Variants in MLLT6 observed in about 807,000 individuals in gnomAD.
MLLT6 encodes the protein protein AF-17.
A neutral mutation model predicts 103.0 loss-of-function variants in MLLT6; 22 were observed. The ratio of observed to expected loss-of-function variants is 0.21; its 90% confidence interval spans 0.15 to 0.31. MLLT6 has a LOEUF of 0.31. Among genes scored for constraint, MLLT6 ranks in the 10% least tolerant of loss-of-function variants. MLLT6 has a pLI of 1.00. For missense variants in MLLT6, 1,199 were observed against 1,441.7 expected (o/e 0.83, Z 2.73); for synonymous variants, 606 against 623.5 (o/e 0.97, Z 0.42).
rs1422564734 is a variant in MLLT6, at chr17:38,709,619, G to A, written c.552+44G>A. The A allele has an allele frequency of 2.7e-6, 4 of 1,504,870 alleles. No individual in the cohort carries two copies. The highest frequency in any genetic ancestry group is 1.7e-4 in the Middle Eastern group (1 of 5,844). The allele number at this position is 1,504,870 out of a possible 1,614,324, so 93.2% of individuals were successfully genotyped here. On this transcript the variant is annotated intron_variant, in intron 6 of 19. Transcript: ENST00000621332. The surrounding 1 kb of genome is among the most constrained non-coding windows in gnomAD (Gnocchi z 4.3). ...CGCATGAGCGGGTCAGTCAGCTGTG[G>A]TAAGATGGTTAGAGGGCATGGGCTC...
intron 19 of MLLT6, chr17:38,725,266 T>TA (rs1411261781): frequency 1.9e-6 from 1 of 527,870 alleles, no homozygotes; most frequent in Non-Finnish European, 3.3e-6. Flanking sequence ...TCCGACCAAT[T>TA]AGAAAAAGAT....
intron 12 of MLLT6, 44 bp from the exon 13 acceptor site, chr17:38,719,473 G>C: frequency 6.5e-7 from 1 of 1,538,924 alleles, no homozygotes; most frequent in Non-Finnish European, 8.9e-7. Flanking sequence ...CCCTGAGGCA[G>C]CTACCACTCC....
intron 4 of MLLT6, 36 bp downstream of exon 4, chr17:38,707,908 C>T: frequency 1.5e-6 from 2 of 1,314,428 alleles, no homozygotes; most frequent in Non-Finnish European, 1.1e-6. Flanking sequence ...TACCAGTTCC[C>T]TCCCATCTAT....
In MLLT6 at chr17:38,705,731, C is replaced by A; in HGVS notation, c.99C>A (p.Ala33=). Residue 33 remains alanine (A), a synonymous_variant, in exon 1 of 20, where the codon GCC becomes GCA. Coordinates refer to ENST00000621332, the MANE Select transcript of MLLT6 (RefSeq NM_005937.4). ...GCGATGGGCACGCGTGCAGCGTGGCCGTCCACCAAGGTACGGGGGTGGCCC... is the reference window on the plus strand; with the variant it reads ...GCGATGGGCACGCGTGCAGCGTGGCAGTCCACCAAGGTACGGGGGTGGCCC... ...VYCDGHACSV[A]VHQACYGIVQ... The A allele has an allele frequency of 4.7e-6, 7 of 1,497,852 alleles. No individual in the cohort carries two copies. The highest frequency in any genetic ancestry group is 4.5e-6 in the Non-Finnish European group (5 of 1,115,478). 92.8% of individuals were successfully genotyped at this position (1,497,852 alleles called of 1,614,324 possible).
Position 38,712,673 on chromosome 17 carries a change from T to G in MLLT6, c.721-18T>G. On this transcript the variant is annotated intron_variant, in intron 7 of 19. Coordinates refer to ENST00000621332, the MANE Select transcript of MLLT6 (RefSeq NM_005937.4). ...GACAGCCCCCCAGCACAATATCTAGTCACCTCTCCCTCTCCAGAGTCGAAA... is the reference window on the plus strand; with the variant it reads ...GACAGCCCCCCAGCACAATATCTAGGCACCTCTCCCTCTCCAGAGTCGAAA... 6.4e-7 allele frequency: 1 copy of G among 1,570,434 alleles called. No homozygotes were observed. The highest frequency in any genetic ancestry group is 8.8e-7 in the Non-Finnish European group (1 of 1,140,554).
At chr17:38,720,305 GC>G in intron 14 of MLLT6, 66 bp from the exon 15 acceptor site, 2 of 219,500 alleles carry the variant, frequency 9.1e-6, no homozygotes, top group Non-Finnish European at 8.5e-6. Context: ...TCCAGGCCCC[GC>G]CCCCGGTCCC....
In MLLT6 at chr17:38,716,713, A is replaced by G. The variant is rs1905362842; in HGVS notation, c.1383A>G (p.Thr461=). 2 of 1,611,222 alleles carry G rather than the reference A, an allele frequency of 1.2e-6. No homozygotes were observed. The highest frequency in any genetic ancestry group is 1.3e-5 in the African/African-American group (1 of 75,038). ...TGCCTGCTGATGAGACCCCTGAGAC[A>G]GGCCTGAAGGAGAAGAAGCACAAAG... The part of the protein sequence containing the change: ...TPVPADETPE[T]GLKEKKHKAS... The change falls in exon 10 of 20, where the codon ACA becomes ACG. Residue 461 remains threonine (T), a synonymous_variant. Transcript: ENST00000621332. The surrounding 1 kb of genome is among the most constrained non-coding windows in gnomAD (Gnocchi z 5.6).
Position 38,705,383 on chromosome 17 carries a change from TG to T in MLLT6, c.-242del, listed in dbSNP as rs561223711. On this transcript the variant is annotated 5_prime_UTR_variant, in exon 1 of 20. Transcript: ENST00000621332. ...GCCCGGCGTGCGAGTCTCATTGTTG[TG>T]GGGGGGGCCCGTCGGGGCATGAGGG... Among the ~76,000 whole-genome samples the T allele has an allele frequency of 8.2e-6, 1 of 121,724 alleles. No homozygotes were observed. The highest frequency in any genetic ancestry group is 1.8e-5 in the Non-Finnish European group (1 of 56,720). 79.9% of individuals were successfully genotyped at this position (121,724 alleles called of 152,430 possible). A position where few individuals can be genotyped will look rare whatever the true frequency, so the allele number is the denominator to read the frequency against.
intron 16 of MLLT6, 101 bp downstream of exon 16, chr17:38,720,848 C>CTT (rs1223345206): frequency 9.9e-7 from 1 of 1,005,588 alleles, no homozygotes; most frequent in Non-Finnish European, 1.5e-6. Flanking sequence ...AATGAAGTGA[C>CTT]TGACTGAGCA....
intron 6 of MLLT6, 90 bp from the exon 7 acceptor site, chr17:38,711,757 C>G (rs1464867972): frequency 7.0e-7 from 1 of 1,424,856 alleles, no homozygotes; most frequent in Non-Finnish European, 9.3e-7. Flanking sequence ...ATGGGGCTGA[C>G]CCCCAGGATC....
intron 1 of MLLT6, chr17:38,706,657 G>A (rs1390287474): frequency 6.3e-6 from 2 of 317,354 alleles, no homozygotes; most frequent in Non-Finnish European, 5.7e-6. Context: ...TGGCTGGTCC[G>A]AGGAAGAAGC....
chr17:38,707,899 A>G, intron 4 of MLLT6, 27 bp downstream of exon 4: 2 of 1,394,440 alleles, frequency 1.4e-6, no homozygotes, highest in Non-Finnish European at 1.0e-6. Context: ...CGTGTCCCCT[A>G]CCAGTTCCCT....
At position 38,728,800 on chromosome 17, in the gene MLLT6, G is replaced by A. The variant is rs560605079; in HGVS notation, c.*3202G>A. Reference sequence around the variant, plus strand: ...TGTGTGTGTGACACACGGTGTGAGTGCAGGGCTGTGCCCGGGGTGGGAGGG... The same window carrying A: ...TGTGTGTGTGACACACGGTGTGAGTACAGGGCTGTGCCCGGGGTGGGAGGG... On this transcript the variant is annotated 3_prime_UTR_variant, in exon 20 of 20. Coordinates refer to ENST00000621332, the MANE Select transcript of MLLT6 (RefSeq NM_005937.4). 74 of 234,218 alleles carry A rather than the reference G, an allele frequency of 3.2e-4. 2 individuals carry two copies. The East Asian group carries it at 4.0e-3, about 13-fold the overall frequency. 14.5% of individuals were successfully genotyped at this position (234,218 alleles called of 1,614,324 possible).
chr17:38,727,452 T>G lies in MLLT6; in HGVS notation c.*1854T>G, dbSNP rs1481733969. 1 of 223,446 alleles carries G rather than the reference T, an allele frequency of 4.5e-6. No homozygotes were observed. The highest frequency in any genetic ancestry group is 8.9e-6 in the Non-Finnish European group (1 of 111,964). 13.8% of individuals were successfully genotyped at this position (223,446 alleles called of 1,614,324 possible). ...GAAAGAAATGATAGCATTCAGCATT[T>G]TATTCTTCTTAATCTATTAAGCTGT... is the stretch of plus-strand genomic sequence containing the variant. On this transcript the variant is annotated 3_prime_UTR_variant, in exon 20 of 20. Coordinates refer to ENST00000621332, the MANE Select transcript of MLLT6 (RefSeq NM_005937.4).
At chr17:38,723,005 G>A (rs1178592265) in intron 18 of MLLT6, among the ~76,000 whole-genome samples, 1 of 152,054 alleles carries the variant, frequency 6.6e-6, no homozygotes, top group African/African-American at 2.4e-5. Context: ...GCCCCAGGTC[G>A]CATCCTGGTG....
intron 10 of MLLT6, 32 bp from the exon 11 acceptor site, chr17:38,717,400 C>A: frequency 6.5e-7 from 1 of 1,529,436 alleles, no homozygotes. Flanking sequence ...TGGAGAGTAA[C>A]CACGTGCTTC....
chr17:38,719,977 T>G (rs955956398), intron 14 of MLLT6, 82 bp downstream of exon 14: 14 of 1,469,870 alleles, frequency 9.5e-6, no homozygotes, highest in South Asian at 2.7e-5. Flanking sequence ...CAAGCTTCTT[T>G]AAGGTTCCGC....
Position 38,722,210 on chromosome 17 carries a change from G to T in MLLT6, c.2775G>T (p.Leu925=). The part of the protein sequence containing the change: ...SQAGGAPTLQ[L]PGCLNSLTEQ... Reference sequence around the variant, plus strand: ...CTGGCGGGGCCCCCACGCTGCAGCTGCCAGGCTGTCTCAACAGGTGAGGGA... The same window carrying T: ...CTGGCGGGGCCCCCACGCTGCAGCTTCCAGGCTGTCTCAACAGGTGAGGGA... The change falls in exon 17 of 20, where the codon CTG becomes CTT. Residue 925 remains leucine (L), a synonymous_variant. Transcript: ENST00000621332. 1 of 1,369,522 alleles carries T rather than the reference G, an allele frequency of 7.3e-7. No homozygotes were observed. Among genetic ancestry groups the T allele is most frequent in the South Asian group, 1.7e-5 (1 of 58,260 alleles). 84.8% of individuals were successfully genotyped at this position (1,369,522 alleles called of 1,614,324 possible). A position where few individuals can be genotyped will look rare whatever the true frequency, so the allele number is the denominator to read the frequency against.
intron 8 of MLLT6, 144 bp downstream of exon 8, chr17:38,712,933 C>G (rs965764865): frequency 1.3e-6 from 1 of 748,934 alleles, no homozygotes; most frequent in Non-Finnish European, 2.5e-6. Context: ...CTACCCCATA[C>G]CCTCTACTCC....
Sources: allele counts gnomAD v4.1 joint callset (sites outside exome capture counted in the v4.1 genomes callset), GRCh38; gene constraint gnomAD v4.1.1; non-coding constraint Gnocchi (gnomAD v3.1); transcripts MANE v1.5; gene names NCBI Gene and HGNC (gene_info 2026-07-23, HGNC 2026-07-21).